Variants in RAB8A observed in about 807,000 individuals in gnomAD.
RAB8A encodes RAB8A, member RAS oncogene family, also known as ras-related protein Rab-8A.
Under a neutral mutation model 29.2 loss-of-function variants are expected in RAB8A, and 5 were observed. That is an observed-to-expected ratio of 0.17 (90% CI 0.09 to 0.36). The LOEUF is 0.36. Among genes scored for constraint, RAB8A ranks in the 10% least tolerant of loss-of-function variants. RAB8A has a pLI of 1.00. For missense variants in RAB8A, 171 were observed against 272.2 expected (o/e 0.63, Z 2.62); for synonymous variants, 108 against 99.9 (o/e 1.08, Z -0.49).
chr19:16,117,186 A>G (rs1221810661), intron 1 of RAB8A, among the ~76,000 whole-genome samples: 1 of 152,240 alleles, frequency 6.6e-6, no homozygotes, highest in Middle Eastern at 3.4e-3. Context: ...TGGTGGACAT[A>G]CTAGAAAGTT....
Position 16,133,523 on chromosome 19 carries a change from A to G in RAB8A, c.*1219A>G, listed in dbSNP as rs1328397942. 4.6e-5 allele frequency: 7 copies of G among 152,046 alleles called. No individual in the cohort carries two copies. In the Admixed American group the frequency reaches 4.6e-4, roughly 10 times the overall value. The allele number at this position is 152,046 out of a possible 1,614,324, so 9.4% of individuals were successfully genotyped here. A position where few individuals can be genotyped will look rare whatever the true frequency, so the allele number is the denominator to read the frequency against. On this transcript the variant is annotated 3_prime_UTR_variant, in exon 8 of 8. Transcript: ENST00000300935. ...GGCATCATCGTTTCTTTTGAATTAA[A>G]ACCAACATATCAGCAATAGTCTGCT...
At position 16,133,010 on chromosome 19, in the gene RAB8A, G is replaced by C. The variant is rs1289593385; in HGVS notation, c.*706G>C. Reference sequence around the variant, plus strand: ...TGCAGGCCCGTCTGCGGTCCCCATCGAGCATCAAGGGGACGCTGTGTGTGC... The same window carrying C: ...TGCAGGCCCGTCTGCGGTCCCCATCCAGCATCAAGGGGACGCTGTGTGTGC... On this transcript the variant is annotated 3_prime_UTR_variant, in exon 8 of 8. Transcript: ENST00000300935. The C allele has an allele frequency of 6.6e-6, 1 of 152,590 alleles. No homozygotes were observed. The highest frequency in any genetic ancestry group is 1.5e-5 in the Non-Finnish European group (1 of 68,062). The allele number at this position is 152,590 out of a possible 1,614,324, so 9.5% of individuals were successfully genotyped here.
chr19:16,119,573 T>C (rs1057430648), intron 2 of RAB8A, among the ~76,000 whole-genome samples: 2 of 152,078 alleles, frequency 1.3e-5, no homozygotes, highest in African/African-American at 4.8e-5. Flanking sequence ...CCTGCAGACA[T>C]TGGTAGTAAG....
In RAB8A at chr19:16,122,041, A is replaced by G. The variant is rs2090877737; in HGVS notation, c.246+231A>G. ...AATGCAAGGTTTAAATAAAGTGGAA[A>G]CATAATTCTTTGGGAATGAAGAAAG... On this transcript the variant is annotated intron_variant, in intron 3 of 7. Transcript: ENST00000300935. This position sits in a 1 kb window ranked among gnomAD's most constrained non-coding sequence, Gnocchi z 4.7. 5 of 449,300 alleles carry G rather than the reference A, an allele frequency of 1.1e-5. No homozygotes were observed. The East Asian group carries it at 1.6e-4, about 15-fold the overall frequency. 27.8% of individuals were successfully genotyped at this position (449,300 alleles called of 1,614,324 possible). A position where few individuals can be genotyped will look rare whatever the true frequency, so the allele number is the denominator to read the frequency against.
chr19:16,129,109 G>A (rs2090914418), intron 6 of RAB8A, among the ~76,000 whole-genome samples: 1 of 152,140 alleles, frequency 6.6e-6, no homozygotes, highest in African/African-American at 2.4e-5. Flanking sequence ...TCAGAAGGGA[G>A]GCCAGAGCTG....
intron 3 of RAB8A, chr19:16,123,891 A>G (rs1042571400): frequency 6.6e-6 from 1 of 152,124 alleles, no homozygotes; most frequent in Non-Finnish European, 1.5e-5. Context: ...GGGTGTTTCC[A>G]GGAAAACCTG....
In RAB8A at chr19:16,132,329, C is replaced by T. The variant is rs369773709; in HGVS notation, c.*25C>T. The T allele has an allele frequency of 2.2e-5, 35 of 1,606,656 alleles. No individual in the cohort carries two copies. Among genetic ancestry groups the T allele is most frequent in the African/African-American group, 4.0e-5 (3 of 74,730 alleles). On this transcript the variant is annotated 3_prime_UTR_variant, in exon 8 of 8. Coordinates refer to ENST00000300935, the MANE Select transcript of RAB8A (RefSeq NM_005370.5). This position sits in a 1 kb window ranked among gnomAD's most constrained non-coding sequence, Gnocchi z 5.6. The stretch of plus-strand genomic sequence containing the variant: ...AGGAACACCGCCTTACTCTGAGCCT[C>T]GCTCAGCCCAGCTGACTGTGCCTGT...
intron 6 of RAB8A, 88 bp downstream of exon 6, chr19:16,128,179 C>G (rs922928763): frequency 7.1e-7 from 1 of 1,416,454 alleles, no homozygotes; most frequent in East Asian, 2.4e-5. Flanking sequence ...CCGAGGAGGT[C>G]CTGCCAGACG....
Position 16,127,412 on chromosome 19 carries a change from C to A in RAB8A, c.325-25C>A. 4 of 1,426,662 alleles carry A rather than the reference C, an allele frequency of 2.8e-6. No individual in the cohort carries two copies. Among genetic ancestry groups the A allele is most frequent in the Non-Finnish European group, 3.7e-6 (4 of 1,077,084 alleles). The allele number at this position is 1,426,662 out of a possible 1,614,324, so 88.4% of individuals were successfully genotyped here. A position where few individuals can be genotyped will look rare whatever the true frequency, so the allele number is the denominator to read the frequency against. ...CTGGCCTGTGTCATCCGGTCTGATCCCCCGTCTGTCCCCCTCCCTCTCAGC... is the reference window on the plus strand; with the variant it reads ...CTGGCCTGTGTCATCCGGTCTGATCACCCGTCTGTCCCCCTCCCTCTCAGC... On this transcript the variant is annotated intron_variant, in intron 4 of 7. Coordinates refer to ENST00000300935, the MANE Select transcript of RAB8A (RefSeq NM_005370.5). The surrounding 1 kb of genome is among the most constrained non-coding windows in gnomAD (Gnocchi z 4.8).
Position 16,118,289 on chromosome 19 carries a change from AAG to A in RAB8A, c.185+6_185+7del, listed in dbSNP as rs755608698. The A allele has an allele frequency of 3.7e-6, 6 of 1,609,514 alleles. No individual in the cohort carries two copies. The Admixed American group carries it at 6.7e-5, about 18-fold the overall frequency. ...AAGAGAATTAAACTGCAGATATGGT[AAG>A]AGTCATTGTTCTCTGTCATTCTCTC... On this transcript the variant is annotated splice_donor_5th_base_variant and intron_variant, in intron 2 of 7. Coordinates refer to ENST00000300935, the MANE Select transcript of RAB8A (RefSeq NM_005370.5).
chr19:16,129,523 C>T, intron 6 of RAB8A, 31 bp from the exon 7 acceptor site: 1 of 1,612,092 alleles, frequency 6.2e-7, no homozygotes. Flanking sequence ...GTCCTGCCAT[C>T]CCAAGGACTC....
intron 6 of RAB8A, 148 bp from the exon 7 acceptor site, chr19:16,129,406 C>T: frequency 4.0e-6 from 3 of 744,498 alleles, no homozygotes; most frequent in Non-Finnish European, 7.2e-6. Flanking sequence ...CCGGACAGGC[C>T]AGATGAACCC....
At chr19:16,121,650 C>T (rs976906283) in intron 2 of RAB8A, 100 bp from the exon 3 acceptor site, 19 of 1,049,228 alleles carry the variant, frequency 1.8e-5, no homozygotes, top group East Asian at 9.5e-5. Context: ...AGTGGCTGAA[C>T]GGTGAGAAAG....
chr19:16,114,194 A>T (rs1048956704), intron 1 of RAB8A, among the ~76,000 whole-genome samples: 1 of 152,040 alleles, frequency 6.6e-6, no homozygotes, highest in Non-Finnish European at 1.5e-5. Context: ...GATTGAGCCC[A>T]GGAGGTCAAG....
At chr19:16,130,820 T>TTTTTTC (rs143280164) in intron 7 of RAB8A, among the ~76,000 whole-genome samples, 21,138 of 151,038 alleles carry the variant, frequency 0.14, 1,756 homozygotes, top group East Asian at 0.29. Flanking sequence ...CTGGCTAATT[T>TTTTTTC]TTTTTCTTTT....
At chr19:16,120,505 T>A (rs956334893) in intron 2 of RAB8A, among the ~76,000 whole-genome samples, 1 of 151,470 alleles carries the variant, frequency 6.6e-6, no homozygotes, top group African/African-American at 2.4e-5. Flanking sequence ...TAGACAGGGT[T>A]TCACCATGTT....
At chr19:16,130,327 T>TA (rs1331014642) in intron 7 of RAB8A, among the ~76,000 whole-genome samples, 2 of 152,098 alleles carry the variant, frequency 1.3e-5, no homozygotes, top group Non-Finnish European at 2.9e-5. Context: ...CCGGCCATGT[T>TA]ACATTGGTTG....
chr19:16,125,092 G>A lies in RAB8A; in HGVS notation c.247-378G>A, dbSNP rs925153731. 3.8e-5 allele frequency: 13 copies of A among 345,528 alleles called. No homozygotes were observed. The highest frequency in any genetic ancestry group is 2.0e-4 in the South Asian group (7 of 34,572). 21.4% of individuals were successfully genotyped at this position (345,528 alleles called of 1,614,324 possible). ...AGGCCGATTGCAGGGGAGGGTCAGC[G>A]TGAGGGGAGTGCTGCTGGCAGTGGG... On this transcript the variant is annotated intron_variant, in intron 3 of 7. Coordinates refer to ENST00000300935, the MANE Select transcript of RAB8A (RefSeq NM_005370.5). This position sits in a 1 kb window ranked among gnomAD's most constrained non-coding sequence, Gnocchi z 5.0.
At chr19:16,129,704 G>A (rs1294493689) in intron 7 of RAB8A, 100 bp downstream of exon 7, 10 of 1,179,940 alleles carry the variant, frequency 8.5e-6, no homozygotes, top group African/African-American at 1.5e-5. Flanking sequence ...TGCTTTTTAG[G>A]GCCCAGCCAG....
Sources: allele counts gnomAD v4.1 joint callset (sites outside exome capture counted in the v4.1 genomes callset), GRCh38; gene constraint gnomAD v4.1.1; non-coding constraint Gnocchi (gnomAD v3.1); transcripts MANE v1.5; gene names NCBI Gene and HGNC (gene_info 2026-07-23, HGNC 2026-07-21).